The following GABRG3 variants were observed in gnomAD, a reference collection of about 807,000 sequenced individuals.
GABRG3 encodes gamma-aminobutyric acid type A receptor subunit gamma3.
In GABRG3, 25 loss-of-function variants were observed where a neutral mutation model predicts 48.8. The observed-to-expected ratio is 0.51, with a 90% confidence interval of 0.37 to 0.72. The LOEUF is 0.72. Ranked by LOEUF, GABRG3 falls within the 30% of genes least tolerant of loss-of-function variation. GABRG3 has a pLI of 0.00. For synonymous variants in GABRG3, 227 were observed against 217.6 expected, an observed-to-expected ratio of 1.04 and a Z score of -0.38; for missense variants, 394 against 577.9, an observed-to-expected ratio of 0.68 and a Z score of 3.26.
intron 6 of GABRG3, among the ~76,000 whole-genome samples, chr15:27,487,487 T>G (rs74006964): frequency 0.054 from 8,262 of 152,246 alleles, 716 homozygotes; most frequent in African/African-American, 0.19. Flanking sequence ...CCACACAATA[T>G]GTACTGTAGC....
At chr15:27,198,169 A>C (rs1339971484) in intron 3 of GABRG3, among the ~76,000 whole-genome samples, 1 of 152,234 alleles carries the variant, frequency 6.6e-6, no homozygotes, top group Non-Finnish European at 1.5e-5. Context: ...TAAACTAAAG[A>C]GCTTCTGCAC....
At chr15:27,407,981 C>T (rs372676646) in intron 5 of GABRG3, among the ~76,000 whole-genome samples, 150 of 152,228 alleles carry the variant, frequency 9.9e-4, no homozygotes, top group African/African-American at 3.4e-3. Context: ...GACAACAATG[C>T]GGTAGTAAAT....
intron 3 of GABRG3, among the ~76,000 whole-genome samples, chr15:27,078,225 G>A (rs1054046577): frequency 1.7e-4 from 26 of 152,104 alleles, no homozygotes; most frequent in East Asian, 7.7e-4. Flanking sequence ...TTGAAGGGCC[G>A]GATAGAAAAA....
At chr15:27,107,908 A>C (rs1897479713) in intron 3 of GABRG3, among the ~76,000 whole-genome samples, 1 of 151,632 alleles carries the variant, frequency 6.6e-6, no homozygotes, top group African/African-American at 2.4e-5. Context: ...GTGATTAGTA[A>C]TAACCCCTCT....
intron 3 of GABRG3, among the ~76,000 whole-genome samples, chr15:27,144,270 G>A (rs1898158012): frequency 6.6e-6 from 1 of 152,166 alleles, no homozygotes; most frequent in African/African-American, 2.4e-5. Context: ...CCCCAGCTCT[G>A]AGATATCCTT....
chr15:27,471,398 T>TG (rs1352317411), intron 5 of GABRG3, among the ~76,000 whole-genome samples: 5 of 152,234 alleles, frequency 3.3e-5, no homozygotes, highest in African/African-American at 1.2e-4. Context: ...CTCCAGACAA[T>TG]GCCTGGTTAT....
intron 5 of GABRG3, among the ~76,000 whole-genome samples, chr15:27,412,423 G>C (rs1246822021): frequency 2.0e-5 from 3 of 152,080 alleles, no homozygotes; most frequent in East Asian, 3.9e-4. Context: ...ATATATAAAT[G>C]GTATAATACC....
chr15:27,368,111 T>A (rs184602549), intron 5 of GABRG3, among the ~76,000 whole-genome samples: 1 of 152,126 alleles, frequency 6.6e-6, no homozygotes, highest in African/African-American at 2.4e-5. Context: ...CAGCTGTAGG[T>A]CTCATAGAGA....
At chr15:27,141,465 G>A (rs1352305984) in intron 3 of GABRG3, among the ~76,000 whole-genome samples, 1 of 152,150 alleles carries the variant, frequency 6.6e-6, no homozygotes, top group Non-Finnish European at 1.5e-5. Context: ...ATTGGATTTA[G>A]GACTCAGGTC....
At chr15:27,368,542 A>G (rs1263043438) in intron 5 of GABRG3, among the ~76,000 whole-genome samples, 1 of 152,212 alleles carries the variant, frequency 6.6e-6, no homozygotes, top group Non-Finnish European at 1.5e-5. Context: ...ATAGTTGGGC[A>G]TGTCCCTGTC....
intron 5 of GABRG3, among the ~76,000 whole-genome samples, chr15:27,346,010 C>T (rs1894352917): frequency 6.8e-6 from 1 of 147,040 alleles, no homozygotes; most frequent in Non-Finnish European, 1.5e-5. Context: ...GCCAAGATTG[C>T]ACTGCTGCAC....
intron 5 of GABRG3, among the ~76,000 whole-genome samples, chr15:27,440,382 T>A (rs376095884): frequency 6.6e-6 from 1 of 152,208 alleles, no homozygotes; most frequent in Non-Finnish European, 1.5e-5. Flanking sequence ...GTGAACCTTT[T>A]TTCTCCACCA....
intron 3 of GABRG3, among the ~76,000 whole-genome samples, chr15:27,087,393 C>T (rs1384872493): frequency 6.6e-6 from 1 of 152,220 alleles, no homozygotes; most frequent in Non-Finnish European, 1.5e-5. Context: ...TATTGACAGC[C>T]TACTTGTGTC....
Position 27,327,045 on chromosome 15 carries a change from G to C in GABRG3, c.491+16G>C. ...ACACTTTGAGGTAAGATGCTGCATCGATCTTTGATTACTCCTGGTTTAAAA... is the reference window on the plus strand; with the variant it reads ...ACACTTTGAGGTAAGATGCTGCATCCATCTTTGATTACTCCTGGTTTAAAA... On this transcript the variant is annotated intron_variant, in intron 4 of 9. Coordinates refer to ENST00000615808, the MANE Select transcript of GABRG3 (RefSeq NM_033223.5). 1 of 1,595,042 alleles carries C rather than the reference G, an allele frequency of 6.3e-7. No homozygotes were observed. The highest frequency in any genetic ancestry group is 8.6e-7 in the Non-Finnish European group (1 of 1,166,126).
intron 3 of GABRG3, among the ~76,000 whole-genome samples, chr15:27,284,722 C>G (rs554964277): frequency 1.4e-4 from 22 of 152,270 alleles, no homozygotes; most frequent in African/African-American, 4.8e-4. Flanking sequence ...GGCCTATAAA[C>G]TAGATAATTT....
intron 3 of GABRG3, among the ~76,000 whole-genome samples, chr15:27,247,958 G>C (rs901010370): frequency 1.3e-5 from 2 of 152,318 alleles, no homozygotes; most frequent in Middle Eastern, 3.4e-3. Context: ...TGGGGACACA[G>C]AGCCAAACCA....
intron 2 of GABRG3, among the ~76,000 whole-genome samples, chr15:26,981,329 C>T (rs575759546): frequency 1.3e-5 from 2 of 152,246 alleles, no homozygotes; most frequent in South Asian, 2.1e-4. Context: ...TTATATGTTA[C>T]GGATTTCTAG....
In GABRG3 at chr15:27,137,158, A is replaced by G. The variant is rs113669266; in HGVS notation, c.270+110337A>G. 5.6e-3 allele frequency among the ~76,000 whole-genome samples: 850 copies of G among 152,158 alleles called. 9 individuals carry two copies. The highest frequency in any genetic ancestry group is 0.019 in the African/African-American group (806 of 41,504). ...CCGTCCTCAAGATGCAGTTATCAAT[A>G]CCCCAGGAAGCCTTTTCTGAGCCCT... is the stretch of plus-strand genomic sequence containing the variant. On this transcript the variant is annotated intron_variant, in intron 3 of 9. Coordinates refer to ENST00000615808, the MANE Select transcript of GABRG3 (RefSeq NM_033223.5).
At chr15:27,433,126 A>G (rs986470507) in intron 5 of GABRG3, among the ~76,000 whole-genome samples, 2 of 152,168 alleles carry the variant, frequency 1.3e-5, no homozygotes, top group Admixed American at 6.5e-5. Context: ...TTGGTACTCA[A>G]AATCTTTCCA....
Sources: allele counts gnomAD v4.1 joint callset (sites outside exome capture counted in the v4.1 genomes callset), GRCh38; gene constraint gnomAD v4.1.1; transcripts MANE v1.5; gene names NCBI Gene and HGNC (gene_info 2026-07-23, HGNC 2026-07-21).